Variants in SRR observed in about 807,000 individuals in gnomAD.
SRR encodes the protein serine racemase, also known as D-serine ammonia-lyase.
Under a neutral mutation model 32.7 loss-of-function variants are expected in SRR, and 19 were observed. The ratio of observed to expected loss-of-function variants is 0.58; its 90% CI spans 0.40 to 0.85. The LOEUF (loss-of-function observed/expected upper bound fraction) is 0.85. Ranked by LOEUF, SRR falls within the 40% of genes least tolerant of loss-of-function variation. SRR has a pLI of 0.00. For synonymous variants in SRR, 142 were observed against 140.9 expected (o/e 1.01, Z -0.06); for missense variants, 373 against 404.7 (o/e 0.92, Z 0.67).
intron 5 of SRR, 54 bp downstream of exon 5, chr17:2,321,479 T>C (rs1389234112): frequency 2.5e-6 from 4 of 1,612,640 alleles, no homozygotes; most frequent in African/African-American, 2.7e-5. Context: ...TTGGGCTATA[T>C]TCAATTATTT....
chr17:2,320,470 G>T (rs1470423318), intron 4 of SRR, among the ~76,000 whole-genome samples: 2 of 151,064 alleles, frequency 1.3e-5, no homozygotes, highest in African/African-American at 4.9e-5. Flanking sequence ...TGGCCAGGCT[G>T]GTCTCGAACT....
Position 2,324,582 on chromosome 17 carries a change from A to C in SRR, c.*709A>C. ...GGTTTAAACCACAGCACATCCTCTT[A>C]GAATCAAACACATTAAAGACCAAGA... On this transcript the variant is annotated 3_prime_UTR_variant, in exon 8 of 8. Coordinates refer to ENST00000344595, the MANE Select transcript of SRR (RefSeq NM_021947.3). 6.2e-7 allele frequency: 1 copy of C among 1,614,194 alleles called. No individual in the cohort carries two copies. The highest frequency in any genetic ancestry group is 8.5e-7 in the Non-Finnish European group (1 of 1,180,032).
At chr17:2,311,509 A>T (rs1201405811) in intron 1 of SRR, among the ~76,000 whole-genome samples, 3 of 151,966 alleles carry the variant, frequency 2.0e-5, no homozygotes, top group Non-Finnish European at 4.4e-5. Flanking sequence ...GTGGTGGCAC[A>T]GTGCACCTGT....
chr17:2,324,593 C>A lies in SRR; in HGVS notation c.*720C>A. ...CAGCACATCCTCTTAGAATCAAACA[C>A]ATTAAAGACCAAGATGAAACATTTA... On this transcript the variant is annotated 3_prime_UTR_variant, in exon 8 of 8. Transcript: ENST00000344595. The A allele has an allele frequency of 6.2e-7, 1 of 1,614,152 alleles. No individual in the cohort carries two copies. Among genetic ancestry groups the A allele is most frequent in the Non-Finnish European group, 8.5e-7 (1 of 1,180,038 alleles).
intron 1 of SRR, chr17:2,315,272 C>G (rs1172577366): frequency 8.7e-6 from 2 of 229,810 alleles, no homozygotes; most frequent in Non-Finnish European, 1.7e-5. Flanking sequence ...AAGATGGAGA[C>G]CAGTGGCAGT....
chr17:2,307,237 G>C lies in SRR; in HGVS notation c.-5+3220G>C. 3 of 1,257,996 alleles carry C rather than the reference G, an allele frequency of 2.4e-6. 1 individual carries two copies. In the South Asian group the frequency reaches 3.6e-5, roughly 15 times the overall value. 77.9% of individuals were successfully genotyped at this position (1,257,996 alleles called of 1,614,324 possible). On this transcript the variant is annotated intron_variant, in intron 1 of 7. Coordinates refer to ENST00000344595, the MANE Select transcript of SRR (RefSeq NM_021947.3). ...AACCTTTGATGATCATGACTCCGTG[G>C]ATAAGACTGTCATTCAGAAATACCA... is the stretch of plus-strand genomic sequence containing the variant.
intron 3 of SRR, 70 bp downstream of exon 3, chr17:2,318,066 G>A: frequency 6.8e-7 from 1 of 1,466,468 alleles, no homozygotes; most frequent in Non-Finnish European, 9.2e-7. Context: ...ATTTCAGTGA[G>A]AGTGATGATA....
chr17:2,305,681 G>A (rs1277657750), intron 1 of SRR, among the ~76,000 whole-genome samples: 1 of 152,072 alleles, frequency 6.6e-6, no homozygotes, highest in African/African-American at 2.4e-5. Context: ...GTATCACAAT[G>A]AAAGCTGCTG....
In SRR at chr17:2,323,880, G is replaced by A; in HGVS notation, c.*7G>A. The A allele has an allele frequency of 6.2e-7, 1 of 1,612,554 alleles. No homozygotes were observed. Among genetic ancestry groups the A allele is most frequent in the Admixed American group, 1.7e-5 (1 of 59,964 alleles). On this transcript the variant is annotated 3_prime_UTR_variant, in exon 8 of 8. Transcript: ENST00000344595. ...TCAGTCTGTTTCTGTTTAATTTACAGAAAAGGAAATGGTGGGAATTCAGTG... is the reference window on the plus strand; with the variant it reads ...TCAGTCTGTTTCTGTTTAATTTACAAAAAAGGAAATGGTGGGAATTCAGTG...
intron 1 of SRR, among the ~76,000 whole-genome samples, chr17:2,315,128 G>GGAATTA (rs2075462378): frequency 3.3e-5 from 5 of 151,854 alleles, no homozygotes; most frequent in Non-Finnish European, 7.4e-5. Context: ...TGTAATCCCA[G>GGAATTA]CTACTCGGGA....
rs2075387041 is a variant in SRR, at chr17:2,305,958, T to C, written c.-5+1941T>C. ...AGGTGATCCACCCGCCTCAACCTCC[T>C]AAAGTGCTGGGATTACAGGCGTGAG... On this transcript the variant is annotated intron_variant, in intron 1 of 7. Transcript: ENST00000344595. Among the ~76,000 whole-genome samples, 10 of 151,296 alleles carry C rather than the reference T, an allele frequency of 6.6e-5. No individual in the cohort carries two copies. In the South Asian group the frequency reaches 2.1e-3, roughly 32 times the overall value.
chr17:2,313,808 A>C (rs539606551), intron 1 of SRR, among the ~76,000 whole-genome samples: 1 of 152,294 alleles, frequency 6.6e-6, no homozygotes, highest in African/African-American at 2.4e-5. Flanking sequence ...ATACTGTCTG[A>C]CAAAAAAAGA....
At chr17:2,306,292 G>A (rs1417457002) in intron 1 of SRR, among the ~76,000 whole-genome samples, 1 of 151,822 alleles carries the variant, frequency 6.6e-6, no homozygotes, top group Non-Finnish European at 1.5e-5. Flanking sequence ...CTCCAGCCTG[G>A]GCGACAGAGT....
chr17:2,316,502 G>A (rs954099564), intron 2 of SRR, among the ~76,000 whole-genome samples: 6 of 152,180 alleles, frequency 3.9e-5, no homozygotes, highest in African/African-American at 1.4e-4. Flanking sequence ...AGCATTCACT[G>A]TATCAACTTG....
intron 1 of SRR, among the ~76,000 whole-genome samples, chr17:2,310,483 A>C (rs1179715180): frequency 6.6e-6 from 1 of 152,110 alleles, no homozygotes; most frequent in Non-Finnish European, 1.5e-5. Flanking sequence ...CTGGGATTAC[A>C]GGTATGAGCC....
intron 1 of SRR, chr17:2,307,862 T>C (rs1199837744): frequency 3.1e-6 from 2 of 638,070 alleles, no homozygotes; most frequent in African/African-American, 1.8e-5. Flanking sequence ...CAAATACTCA[T>C]GTGTATGGGC....
intron 6 of SRR, 138 bp from the exon 7 acceptor site, chr17:2,322,998 C>T: frequency 1.2e-6 from 1 of 807,950 alleles, no homozygotes; most frequent in Admixed American, 2.4e-5. Flanking sequence ...CTCCTGACCT[C>T]AGCTGATCCA....
chr17:2,316,963 C>A (rs1469572817), intron 2 of SRR, among the ~76,000 whole-genome samples: 1 of 146,748 alleles, frequency 6.8e-6, no homozygotes, highest in South Asian at 2.2e-4. Flanking sequence ...ACCTTGTGAT[C>A]CGCCCGCCTC....
rs1162989405 is a variant in SRR at position 2,324,551 on chromosome 17, T to G, written c.*678T>G. 6 of 1,614,192 alleles carry G rather than the reference T, an allele frequency of 3.7e-6. No homozygotes were observed. The highest frequency in any genetic ancestry group is 5.1e-6 in the Non-Finnish European group (6 of 1,180,032). ...TCTCCGGCCCCACTTCGTTCTCAGT[T>G]CCACTGGTTTAAACCACAGCACATC... On this transcript the variant is annotated 3_prime_UTR_variant, in exon 8 of 8. Transcript: ENST00000344595.
Sources: allele counts gnomAD v4.1 joint callset (sites outside exome capture counted in the v4.1 genomes callset), GRCh38; gene constraint gnomAD v4.1.1; transcripts MANE v1.5; gene names NCBI Gene and HGNC (gene_info 2026-07-23, HGNC 2026-07-21).